ZRANB3: variants seen among roughly 807,000 people sequenced by gnomAD.
The protein encoded by ZRANB3 is zinc finger RANBP2-type containing 3, also known as DNA annealing helicase and endonuclease ZRANB3.
ZRANB3 carries 125 observed loss-of-function variants against 133.8 expected under a neutral mutation model. The observed-to-expected ratio is 0.93, with a 90% CI of 0.81 to 1.08. The LOEUF is 1.08. ZRANB3 is among the 50% of genes least tolerant of loss of function. The pLI is 0.00. For synonymous variants in ZRANB3, 387 were observed against 432.7 expected, an observed-to-expected ratio of 0.89 and a Z score of 1.31; for missense variants, 1,229 against 1,275.5, an observed-to-expected ratio of 0.96 and a Z score of 0.56.
In ZRANB3 at chr2:135,379,092, G is replaced by A. The variant is rs560016329; in HGVS notation, c.180+11710C>T. Among the ~76,000 whole-genome samples, 33 of 152,168 alleles carry A rather than the reference G, an allele frequency of 2.2e-4. No individual in the cohort carries two copies. In the South Asian group the frequency reaches 5.8e-3, roughly 27 times the overall value. On this transcript the variant is annotated intron_variant, in intron 3 of 20. Transcript: ENST00000264159. ...AGACAAATGTACCATACTAATCTAA[G>A]ATATCAATAATAGGGGAAACTGGGT...
intron 8 of ZRANB3, among the ~76,000 whole-genome samples, chr2:135,307,762 G>T (rs750858550): frequency 3.3e-5 from 5 of 152,164 alleles, no homozygotes; most frequent in Non-Finnish European, 7.3e-5. Context: ...TTGAGGTGAT[G>T]ATAGTATGGT....
chr2:135,216,293 G>A (rs1694308560), intron 17 of ZRANB3, among the ~76,000 whole-genome samples: 1 of 151,862 alleles, frequency 6.6e-6, no homozygotes, highest in Non-Finnish European at 1.5e-5. Context: ...TTTCACCTGT[G>A]TGCATGGAAA....
At chr2:135,313,033 A>C (rs1183821577) in intron 8 of ZRANB3, among the ~76,000 whole-genome samples, 2 of 151,304 alleles carry the variant, frequency 1.3e-5, no homozygotes, top group Non-Finnish European at 2.9e-5. Flanking sequence ...AAAAAAAAAA[A>C]ACAGAAAAGA....
At chr2:135,411,100 C>T (rs753582193) in intron 2 of ZRANB3, among the ~76,000 whole-genome samples, 15 of 151,952 alleles carry the variant, frequency 9.9e-5, no homozygotes, top group Non-Finnish European at 1.8e-4. Flanking sequence ...ATTATCTGGG[C>T]GTGATGGTGC....
chr2:135,243,697 C>T (rs1024411144), intron 12 of ZRANB3, among the ~76,000 whole-genome samples: 2 of 152,104 alleles, frequency 1.3e-5, no homozygotes, highest in Non-Finnish European at 2.9e-5. Context: ...CAGCTCACTG[C>T]AGCCTTAGCC....
intron 17 of ZRANB3, among the ~76,000 whole-genome samples, chr2:135,215,477 C>T (rs990664218): frequency 6.6e-6 from 1 of 151,404 alleles, no homozygotes; most frequent in African/African-American, 2.4e-5. Context: ...TGGTCTTCAG[C>T]TCTGGGCTCA....
At chr2:135,262,956 G>C (rs1680035957) in intron 12 of ZRANB3, among the ~76,000 whole-genome samples, 1 of 151,860 alleles carries the variant, frequency 6.6e-6, no homozygotes, top group African/African-American at 2.4e-5. Context: ...TTTACATATA[G>C]AAATGTATAG....
chr2:135,227,208 T>C (rs1694788623), intron 14 of ZRANB3, among the ~76,000 whole-genome samples: 1 of 152,110 alleles, frequency 6.6e-6, no homozygotes, highest in African/African-American at 2.4e-5. Context: ...CCATAAACGA[T>C]AGTGAAATAT....
chr2:135,499,732 G>A (rs938881476), intron 2 of ZRANB3, among the ~76,000 whole-genome samples: 2 of 152,102 alleles, frequency 1.3e-5, no homozygotes, highest in Non-Finnish European at 2.9e-5. Context: ...AGATATAAGT[G>A]GAACTCTTAA....
intron 12 of ZRANB3, among the ~76,000 whole-genome samples, chr2:135,263,450 A>T (rs1490072677): frequency 6.6e-6 from 1 of 152,198 alleles, no homozygotes; most frequent in Non-Finnish European, 1.5e-5. Context: ...TATATTCTGT[A>T]TATTGAAAAG....
At chr2:135,228,555 G>A (rs749980866) in intron 13 of ZRANB3, among the ~76,000 whole-genome samples, 1 of 152,168 alleles carries the variant, frequency 6.6e-6, no homozygotes, top group Non-Finnish European at 1.5e-5. Context: ...GATTAATATG[G>A]AGGCTATTGA....
At chr2:135,243,224 G>A (rs1695624310) in intron 12 of ZRANB3, among the ~76,000 whole-genome samples, 1 of 152,144 alleles carries the variant, frequency 6.6e-6, no homozygotes, top group Non-Finnish European at 1.5e-5. Context: ...TCAGAGAAAG[G>A]TGCTAAAGAG....
At chr2:135,404,170 T>A (rs1687888956) in intron 2 of ZRANB3, among the ~76,000 whole-genome samples, 1 of 151,966 alleles carries the variant, frequency 6.6e-6, no homozygotes, top group African/African-American at 2.4e-5. Context: ...AAGGAGGAAG[T>A]TCAAACCCAT....
intron 6 of ZRANB3, chr2:135,345,020 T>G (rs1684852616): frequency 6.6e-6 from 1 of 152,386 alleles, no homozygotes; most frequent in Admixed American, 6.5e-5. Context: ...AAGAAACACT[T>G]AGTTTTTACT....
intron 2 of ZRANB3, among the ~76,000 whole-genome samples, chr2:135,494,487 T>C (rs1692576972): frequency 6.6e-6 from 1 of 152,088 alleles, no homozygotes; most frequent in Non-Finnish European, 1.5e-5. Flanking sequence ...TGAACAGGAA[T>C]CATCTATGTA....
intron 6 of ZRANB3, among the ~76,000 whole-genome samples, chr2:135,319,544 AT>A (rs1209589419): frequency 6.7e-5 from 10 of 149,350 alleles, no homozygotes; most frequent in African/African-American, 2.4e-4. Flanking sequence ...TTTGAAAAAA[AT>A]CTCTATCAAA....
chr2:135,402,027 A>T (rs1687755808), intron 2 of ZRANB3, among the ~76,000 whole-genome samples: 1 of 151,888 alleles, frequency 6.6e-6, no homozygotes. Context: ...AATTTTGAAA[A>T]TTTTTCATAT....
intron 6 of ZRANB3, among the ~76,000 whole-genome samples, chr2:135,339,654 T>G (rs1288895023): frequency 6.6e-6 from 1 of 152,234 alleles, no homozygotes; most frequent in South Asian, 2.1e-4. Context: ...TTTCTTCATA[T>G]GCTCATGATA....
At chr2:135,489,961 A>G (rs1007526629) in intron 2 of ZRANB3, among the ~76,000 whole-genome samples, 1 of 152,180 alleles carries the variant, frequency 6.6e-6, no homozygotes, top group Non-Finnish European at 1.5e-5. Context: ...AAAAATGTAA[A>G]CTAGAAACTA....
Sources: gnomAD v4.1 joint callset for allele counts (sites outside exome capture counted in the v4.1 genomes callset) on GRCh38, gnomAD v4.1.1 for gene constraint, MANE v1.5 for transcripts, NCBI Gene and HGNC (gene_info 2026-07-23, HGNC 2026-07-21) for gene names.